Variants in IFT172 observed in about 807,000 individuals in gnomAD.
IFT172 encodes intraflagellar transport 172, also known as intraflagellar transport protein 172 homolog.
Under a neutral mutation model 248.9 loss-of-function variants are expected in IFT172, and 164 were observed. The observed-to-expected ratio is 0.66, with a 90% CI of 0.58 to 0.75. The LOEUF is 0.75. IFT172 is among the 30% of genes least tolerant of loss of function. The pLI, the probability that IFT172 is intolerant of heterozygous loss-of-function variation, is 0.00. For synonymous variants in IFT172, 729 were observed against 791.6 expected (o/e 0.92, Z 1.33); for missense variants, 1,950 against 2,192.4 (o/e 0.89, Z 2.21).
At chr2:27,477,855 T>A in intron 11 of IFT172, 140 bp downstream of exon 11, 1 of 1,051,982 alleles carries the variant, frequency 9.5e-7, no homozygotes, top group East Asian at 2.4e-5. Context: ...AACTCCTGGG[T>A]CTCCTTCCCT....
chr2:27,453,868 C>G, intron 33 of IFT172, 114 bp downstream of exon 33: 2 of 1,399,472 alleles, frequency 1.4e-6, no homozygotes, highest in Non-Finnish European at 2.0e-6. Flanking sequence ...CTGTCTTCCC[C>G]ACTCCCCAAT....
intron 21 of IFT172, 35 bp from the exon 22 acceptor site, chr2:27,461,552 C>T: frequency 1.9e-6 from 3 of 1,607,498 alleles, no homozygotes; most frequent in South Asian, 1.1e-5. Context: ...GGAGTCACAT[C>T]CCCCTTCCTA....
chr2:27,467,613 CAAAAA>C (rs758559563), intron 16 of IFT172, among the ~76,000 whole-genome samples: 2 of 53,134 alleles, frequency 3.8e-5, no homozygotes, highest in African/African-American at 1.6e-4. Flanking sequence ...ACCCTGTCTC[CAAAAA>C]AAAAAAAAAA....
chr2:27,457,406 C>CA (rs1454045225), intron 29 of IFT172, among the ~76,000 whole-genome samples: 3 of 151,976 alleles, frequency 2.0e-5, no homozygotes, highest in Non-Finnish European at 2.9e-5. Context: ...CTTGTCTCTA[C>CA]AAAAAAATTA....
intron 42 of IFT172, 68 bp from the exon 43 acceptor site, chr2:27,446,423 G>A: frequency 1.5e-6 from 2 of 1,357,834 alleles, no homozygotes; most frequent in South Asian, 1.2e-5. Flanking sequence ...CAATGATCCT[G>A]TAAGGCAGCC....
chr2:27,482,296 CTT>C (rs998022247), intron 7 of IFT172, among the ~76,000 whole-genome samples: 1 of 143,978 alleles, frequency 6.9e-6, no homozygotes, highest in African/African-American at 2.6e-5. Context: ...ACAAGTAATT[CTT>C]TTTTTTTTTG....
intron 35 of IFT172, 65 bp from the exon 36 acceptor site, chr2:27,450,161 A>C: frequency 4.9e-6 from 6 of 1,221,374 alleles, no homozygotes; most frequent in Non-Finnish European, 7.1e-6. Flanking sequence ...CCTCAGCCTC[A>C]TCCATTTCAT....
intron 16 of IFT172, among the ~76,000 whole-genome samples, chr2:27,469,622 A>G (rs1167242348): frequency 6.6e-6 from 1 of 152,236 alleles, no homozygotes; most frequent in Non-Finnish European, 1.5e-5. Context: ...ACCTAAGGTC[A>G]GGAATTCGAG....
intron 10 of IFT172, among the ~76,000 whole-genome samples, chr2:27,478,454 T>C (rs563404206): frequency 2.6e-5 from 4 of 152,232 alleles, no homozygotes; most frequent in Non-Finnish European, 5.9e-5. Flanking sequence ...TTATATATCA[T>C]TGATCACAGT....
intron 28 of IFT172, 32 bp from the exon 29 acceptor site, chr2:27,457,787 G>A: frequency 6.2e-7 from 1 of 1,614,076 alleles, no homozygotes; most frequent in South Asian, 1.1e-5. Flanking sequence ...TGGAGAGATG[G>A]GGAGATGGAG....
intron 3 of IFT172, among the ~76,000 whole-genome samples, 185 bp from the exon 4 acceptor site, chr2:27,484,451 T>C (rs1668604440): frequency 6.6e-6 from 1 of 151,324 alleles, no homozygotes; most frequent in South Asian, 2.1e-4. Context: ...ATTAGCCGGG[T>C]GTGGTGGTGG....
At chr2:27,449,121 G>T (rs1280344879) in intron 39 of IFT172, 90 bp from the exon 40 acceptor site, 1 of 1,080,288 alleles carries the variant, frequency 9.3e-7, no homozygotes, top group South Asian at 1.3e-5. Context: ...TTGTTGAGGG[G>T]AAAAAGGGTG....
rs933347695 is a variant in IFT172, at chr2:27,461,280, G to C, written c.2431C>G (p.Leu811Val). The C allele has an allele frequency of 1.9e-6, 3 of 1,613,996 alleles. No individual in the cohort carries two copies. Among genetic ancestry groups the C allele is most frequent in the Non-Finnish European group, 2.5e-6 (3 of 1,180,016 alleles). ...HITAALIKGELYERAGDLFEK... is the reference protein window; with the variant it reads ...HITAALIKGEVYERAGDLFEK... The stretch of plus-strand genomic sequence containing the variant: ...GGAAGCCAGCATACCCTTTCGTAGA[G>C]TTCCCCCTTGATAAGGGCTGCAGTG... Residue 811 changes from leucine to valine, a missense_variant, in exon 22 of 48, where the codon CTC becomes GTC. By Grantham distance (32) the Leu-to-Val change is conservative. Around this residue, in one of 3 missense-constraint regions of IFT172, gnomAD observed 1,166 missense variants for 1,254.1 expected, o/e 0.93. Coordinates refer to ENST00000260570, the MANE Select transcript of IFT172 (RefSeq NM_015662.3).
In IFT172 at chr2:27,485,447, A is replaced by G. The variant is rs1282442829; in HGVS notation, c.96T>C (p.Ala32=). 6.2e-7 allele frequency: 1 copy of G among 1,614,062 alleles called. No individual in the cohort carries two copies. The highest frequency in any genetic ancestry group is 8.5e-7 in the Non-Finnish European group (1 of 1,180,004). The change falls in exon 2 of 48, where the codon GCT becomes GCC. Residue 32 remains alanine (A), a synonymous_variant. Transcript: ENST00000260570. ...AGACCACTCGGTCCACTGTGCAGAC[A>G]GCAAATTTGGCATTGTTCTGGGACC... ...MAWSQNNAKF[A]VCTVDRVVLL... is the part of the protein sequence containing the mutation.
At chr2:27,482,760 TTACTC>T (rs1297742443) in intron 7 of IFT172, among the ~76,000 whole-genome samples, 1 of 152,200 alleles carries the variant, frequency 6.6e-6, no homozygotes, top group Non-Finnish European at 1.5e-5. Context: ...TCACTTTTCA[TTACTC>T]TAAGAGTTTT....
intron 35 of IFT172, 188 bp downstream of exon 35, chr2:27,453,196 G>A: frequency 1.2e-6 from 1 of 810,968 alleles, no homozygotes; most frequent in Middle Eastern, 2.3e-4. Context: ...TCAGGGCTCT[G>A]TCTTATATCC....
At chr2:27,481,016 G>C (rs1668314258) in intron 8 of IFT172, 30 bp downstream of exon 8, 2 of 1,544,604 alleles carry the variant, frequency 1.3e-6, no homozygotes, top group Non-Finnish European at 8.9e-7. Flanking sequence ...GGGAAAGTAG[G>C]CAGTAGATAA....
chr2:27,459,940 G>A, intron 23 of IFT172, 111 bp from the exon 24 acceptor site: 1 of 1,434,176 alleles, frequency 7.0e-7, no homozygotes, highest in Non-Finnish European at 9.5e-7. Context: ...GAGGAATGGA[G>A]GACTGGAGCC....
At chr2:27,483,963 G>C in intron 4 of IFT172, 26 bp from the exon 5 acceptor site, 1 of 1,605,844 alleles carries the variant, frequency 6.2e-7, no homozygotes, top group Non-Finnish European at 8.5e-7. Context: ...CAATGAAAAG[G>C]ATAACCCCAT....
Sources: allele counts gnomAD v4.1 joint callset (sites outside exome capture counted in the v4.1 genomes callset), GRCh38; gene constraint gnomAD v4.1.1; regional missense constraint gnomAD v4.1.1; transcripts MANE v1.5; gene names NCBI Gene and HGNC (gene_info 2026-07-23, HGNC 2026-07-21).